ZMYND11: variants seen among roughly 807,000 people sequenced by gnomAD.
The protein encoded by ZMYND11 is zinc finger MYND domain-containing protein 11.
ZMYND11 carries 9 observed loss-of-function variants against 84.9 expected under a neutral mutation model. The ratio of observed to expected loss-of-function variants is 0.11; its 90% CI spans 0.06 to 0.18. The LOEUF (loss-of-function observed/expected upper bound fraction) is 0.18, where lower values mean the gene tolerates loss of function less well. ZMYND11 is among the 10% of genes least tolerant of loss of function. The pLI, the probability that ZMYND11 is intolerant of heterozygous loss-of-function variation, is 1.00. For synonymous variants in ZMYND11, 250 were observed against 244.1 expected, an observed-to-expected ratio of 1.02 and a Z score of -0.23; for missense variants, 409 against 761.0, an observed-to-expected ratio of 0.54 and a Z score of 5.44.
At chr10:198,273 T>TTTA (rs2131034801) in intron 2 of ZMYND11, among the ~76,000 whole-genome samples, 1 of 152,300 alleles carries the variant, frequency 6.6e-6, no homozygotes, top group South Asian at 2.1e-4. Flanking sequence ...TTAAAATTAC[T>TTTA]AAATGTTTTA....
At chr10:155,214 G>A (rs1363726935) in intron 1 of ZMYND11, among the ~76,000 whole-genome samples, 2 of 152,100 alleles carry the variant, frequency 1.3e-5, no homozygotes, top group Admixed American at 6.5e-5. Context: ...AAAAGTGTAC[G>A]TAAAAATCTT....
rs542114006 is a variant in ZMYND11, at chr10:205,913, T to C, written c.117-3976T>C. Among the ~76,000 whole-genome samples, 157 of 152,078 alleles carry C rather than the reference T, an allele frequency of 1.0e-3. 3 individuals carry two copies. The highest frequency in any genetic ancestry group is 5.9e-4 in the Non-Finnish European group (40 of 68,010). On this transcript the variant is annotated intron_variant, in intron 2 of 14. Transcript: ENST00000381604. Reference sequence around the variant, plus strand: ...TAACTTTTGGAATCTCTTCAAGTCATCTTTGTGGTGATTTTGTGGTCAGTT... The same window carrying C: ...TAACTTTTGGAATCTCTTCAAGTCACCTTTGTGGTGATTTTGTGGTCAGTT...
chr10:247,991 T>C (rs987225032), intron 12 of ZMYND11, among the ~76,000 whole-genome samples: 1 of 152,208 alleles, frequency 6.6e-6, no homozygotes, highest in Non-Finnish European at 1.5e-5. Context: ...AATGAAGTAA[T>C]TATAAGTTGA....
chr10:168,825 G>A (rs1844619645), intron 1 of ZMYND11, among the ~76,000 whole-genome samples: 1 of 152,132 alleles, frequency 6.6e-6, no homozygotes, highest in South Asian at 2.1e-4. Flanking sequence ...CCTCTGTGGG[G>A]ATCAGTGCTG....
At chr10:239,978 C>A in intron 7 of ZMYND11, 78 bp from the exon 8 acceptor site, 1 of 1,294,888 alleles carries the variant, frequency 7.7e-7, no homozygotes, top group Non-Finnish European at 1.1e-6. Flanking sequence ...CTTTTGCAAA[C>A]TGAAAGAAAA....
At chr10:238,603 G>A (rs1008107469) in intron 6 of ZMYND11, among the ~76,000 whole-genome samples, 11 of 152,090 alleles carry the variant, frequency 7.2e-5, no homozygotes, top group Non-Finnish European at 1.0e-4. Flanking sequence ...TGATCTGCCC[G>A]CCTCGGCCTC....
At chr10:175,607 A>G (rs1301906327) in intron 1 of ZMYND11, among the ~76,000 whole-genome samples, 1 of 152,120 alleles carries the variant, frequency 6.6e-6, no homozygotes, top group Non-Finnish European at 1.5e-5. Flanking sequence ...TACAAAATAT[A>G]ATTGCGTATT....
intron 4 of ZMYND11, among the ~76,000 whole-genome samples, chr10:231,936 C>T (rs936045151): frequency 6.6e-6 from 1 of 152,184 alleles, no homozygotes; most frequent in African/African-American, 2.4e-5. Flanking sequence ...TGACCACAAT[C>T]ACTCCCGTAT....
At chr10:179,940 A>T (rs1384290756) in intron 1 of ZMYND11, 54 bp from the exon 2 acceptor site, 2 of 1,085,394 alleles carry the variant, frequency 1.8e-6, no homozygotes, top group Non-Finnish European at 2.8e-6. Context: ...ACTTATACTG[A>T]TAATTCATTT....
chr10:155,492 A>G (rs1841477513), intron 1 of ZMYND11, among the ~76,000 whole-genome samples: 1 of 152,194 alleles, frequency 6.6e-6, no homozygotes, highest in Non-Finnish European at 1.5e-5. Flanking sequence ...CTACCAAAAC[A>G]GCAACAACAA....
chr10:250,397 A>AGGTGGAAGGATT (rs778373155), intron 14 of ZMYND11, among the ~76,000 whole-genome samples: 39 of 152,354 alleles, frequency 2.6e-4, no homozygotes, highest in Non-Finnish European at 5.4e-4. Flanking sequence ...TGGGAGGCCA[A>AGGTGGAAGGATT]GGTGGAAGGA....
intron 10 of ZMYND11, among the ~76,000 whole-genome samples, chr10:243,193 C>T (rs1951395701): frequency 6.6e-6 from 1 of 152,028 alleles, no homozygotes; most frequent in South Asian, 2.1e-4. Flanking sequence ...AAATAAAGGC[C>T]TCATAAGAGT....
intron 10 of ZMYND11, among the ~76,000 whole-genome samples, chr10:242,981 A>C (rs1951343331): frequency 7.7e-6 from 1 of 129,408 alleles, no homozygotes; most frequent in African/African-American, 2.8e-5. Flanking sequence ...ATACAAAATG[A>C]ATGTTTTAAT....
chr10:181,464 C>G (rs1487283297), intron 2 of ZMYND11, among the ~76,000 whole-genome samples: 1 of 152,174 alleles, frequency 6.6e-6, no homozygotes, highest in Non-Finnish European at 1.5e-5. Flanking sequence ...GCCAAAGATA[C>G]AAAAATTAGC....
chr10:248,879 C>T (rs1952761520), intron 13 of ZMYND11, 24 bp from the exon 14 acceptor site: 4 of 1,589,860 alleles, frequency 2.5e-6, no homozygotes, highest in Non-Finnish European at 3.4e-6. Flanking sequence ...TGCTGACGCA[C>T]TGTGGGTTGT....
chr10:160,550 G>T (rs1842725057), intron 1 of ZMYND11, among the ~76,000 whole-genome samples: 2 of 152,110 alleles, frequency 1.3e-5, no homozygotes, highest in African/African-American at 4.8e-5. Flanking sequence ...CATTTGTCAT[G>T]CTGTTTGGTA....
chr10:131,660 G>A (rs1835314625), upstream of ZMYND11, among the ~76,000 whole-genome samples: 2 of 151,920 alleles, frequency 1.3e-5, no homozygotes, highest in South Asian at 2.1e-4. Context: ...GAGTAGCTGC[G>A]ACTACAGGAG....
At chr10:153,532 T>G (rs1554757739) in intron 1 of ZMYND11, among the ~76,000 whole-genome samples, 1 of 152,250 alleles carries the variant, frequency 6.6e-6, no homozygotes, top group Non-Finnish European at 1.5e-5. Context: ...TAAATTTACC[T>G]CTTTTATTGG....
chr10:188,197 C>T (rs1939282759), intron 2 of ZMYND11, among the ~76,000 whole-genome samples: 1 of 151,880 alleles, frequency 6.6e-6, no homozygotes, highest in Admixed American at 6.6e-5. Context: ...GATGTTAGCC[C>T]TCGTTTTACA....
Sources: allele counts gnomAD v4.1 joint callset (sites outside exome capture counted in the v4.1 genomes callset), GRCh38; gene constraint gnomAD v4.1.1; transcripts MANE v1.5; gene names NCBI Gene and HGNC (gene_info 2026-07-23, HGNC 2026-07-21).